Variants in VTA1 observed in about 807,000 individuals in gnomAD.
VTA1 encodes the protein vesicle trafficking 1.
Under a neutral mutation model 36.9 loss-of-function variants are expected in VTA1, and 24 were observed. That is an observed-to-expected ratio of 0.65 (90% confidence interval 0.47 to 0.91). The LOEUF (loss-of-function observed/expected upper bound fraction) is 0.91. Ranked by LOEUF, VTA1 falls within the 40% of genes least tolerant of loss-of-function variation. VTA1 has a pLI of 0.00. For synonymous variants in VTA1, 142 were observed against 130.2 expected, an observed-to-expected ratio of 1.09 and a Z score of -0.62; for missense variants, 393 against 377.2, an observed-to-expected ratio of 1.04 and a Z score of -0.35.
At chr6:142,183,933 T>C (rs1313908895) in intron 4 of VTA1, among the ~76,000 whole-genome samples, 3 of 152,142 alleles carry the variant, frequency 2.0e-5, no homozygotes, top group Non-Finnish European at 4.4e-5. Context: ...CTCAAATTGG[T>C]TTAAACTTCT....
intron 1 of VTA1, among the ~76,000 whole-genome samples, chr6:142,153,233 C>G (rs891314653): frequency 6.6e-6 from 1 of 151,942 alleles, no homozygotes; most frequent in Non-Finnish European, 1.5e-5. Flanking sequence ...AGAAGTATGT[C>G]GTGTGATGAT....
intron 7 of VTA1, among the ~76,000 whole-genome samples, chr6:142,217,338 T>G (rs894613808): frequency 3.9e-5 from 6 of 152,144 alleles, no homozygotes; most frequent in African/African-American, 1.4e-4. Context: ...AAAATACAGC[T>G]TTTTCATATT....
intron 4 of VTA1, among the ~76,000 whole-genome samples, chr6:142,187,874 A>G (rs1265813568): frequency 6.6e-6 from 1 of 150,980 alleles, no homozygotes; most frequent in Non-Finnish European, 1.5e-5. Flanking sequence ...TGTACTTATC[A>G]GTGACTTCGT....
chr6:142,149,477 T>G (rs1339504135), intron 1 of VTA1, among the ~76,000 whole-genome samples: 2 of 152,216 alleles, frequency 1.3e-5, no homozygotes, highest in Admixed American at 1.3e-4. Context: ...AAATCTGCAA[T>G]TCTCTGAGTC....
At chr6:142,161,728 C>T (rs1339659472) in intron 1 of VTA1, among the ~76,000 whole-genome samples, 2 of 152,004 alleles carry the variant, frequency 1.3e-5, no homozygotes, top group African/African-American at 4.8e-5. Flanking sequence ...CATCGTATTG[C>T]TGCTGCTAGA....
intron 1 of VTA1, among the ~76,000 whole-genome samples, chr6:142,154,454 C>G (rs1191556058): frequency 6.6e-6 from 1 of 151,812 alleles, no homozygotes; most frequent in Non-Finnish European, 1.5e-5. Context: ...TTTGTGTGAC[C>G]CTAGTTTCCA....
chr6:142,169,902 A>G (rs1442162988), intron 3 of VTA1, among the ~76,000 whole-genome samples: 1 of 152,150 alleles, frequency 6.6e-6, no homozygotes, highest in East Asian at 1.9e-4. Context: ...TACTTAGTAA[A>G]TATGCTCTAC....
chr6:142,184,531 A>T (rs1237072267), intron 4 of VTA1, among the ~76,000 whole-genome samples: 1 of 122,900 alleles, frequency 8.1e-6, no homozygotes, highest in Non-Finnish European at 2.0e-5. Flanking sequence ...ACCTGACTTG[A>T]GTAAATAATA....
chr6:142,212,482 A>G (rs1027829607), intron 7 of VTA1, among the ~76,000 whole-genome samples: 1 of 152,188 alleles, frequency 6.6e-6, no homozygotes, highest in Non-Finnish European at 1.5e-5. Flanking sequence ...TAGAGGGGGT[A>G]GAAGATCAGC....
At position 142,222,301 on chromosome 6, in the gene VTA1, G is replaced by A. The variant is rs920907101; in HGVS notation, c.*3658G>A. On this transcript the variant is annotated 3_prime_UTR_variant, in exon 8 of 8. Coordinates refer to ENST00000367630, the MANE Select transcript of VTA1 (RefSeq NM_016485.5). ...AAACTGATAACGGTGTTTTGTCAATGCGGCAGAGGGAGAAGAAGAAATAAG... is the reference window on the plus strand; with the variant it reads ...AAACTGATAACGGTGTTTTGTCAATACGGCAGAGGGAGAAGAAGAAATAAG... The A allele has an allele frequency of 2.0e-5, 3 of 152,170 alleles. No homozygotes were observed. Among genetic ancestry groups the A allele is most frequent in the African/African-American group, 7.2e-5 (3 of 41,430 alleles). The allele number at this position is 152,170 out of a possible 1,614,324, so 9.4% of individuals were successfully genotyped here. A position where few individuals can be genotyped will look rare whatever the true frequency, so the allele number is the denominator to read the frequency against.
Position 142,170,439 on chromosome 6 carries a change from ATTGTC to A in VTA1, c.411+21_411+25del. The stretch of plus-strand genomic sequence containing the variant: ...CTGATGAAGTGAGTGTACATTCTTT[ATTGTC>A]TTATTAGCTGAAGATCAGTAATGTT... On this transcript the variant is annotated intron_variant, in intron 4 of 7. Transcript: ENST00000367630. 2 of 1,513,652 alleles carry A rather than the reference ATTGTC, an allele frequency of 1.3e-6. No individual in the cohort carries two copies. Among genetic ancestry groups the A allele is most frequent in the Non-Finnish European group, 1.8e-6 (2 of 1,106,740 alleles). 93.8% of individuals were successfully genotyped at this position (1,513,652 alleles called of 1,614,324 possible).
chr6:142,216,334 T>C (rs1340659285), intron 7 of VTA1, among the ~76,000 whole-genome samples: 1 of 152,172 alleles, frequency 6.6e-6, no homozygotes, highest in Non-Finnish European at 1.5e-5. Context: ...TTTAAGAATT[T>C]AATTCATATT....
At chr6:142,198,725 C>G in intron 6 of VTA1, 110 bp downstream of exon 6, 1 of 1,025,896 alleles carries the variant, frequency 9.7e-7, no homozygotes, top group Non-Finnish European at 1.4e-6. Context: ...ATGACAAGTT[C>G]CTTGAATTCC....
chr6:142,196,663 T>C (rs1775557592), intron 5 of VTA1, among the ~76,000 whole-genome samples: 1 of 152,186 alleles, frequency 6.6e-6, no homozygotes, highest in Non-Finnish European at 1.5e-5. Flanking sequence ...AAATTTATTG[T>C]AGCTGCTTTA....
In VTA1 at chr6:142,158,900, A is replaced by G. The variant is rs1778717398; in HGVS notation, c.113-7328A>G. Reference sequence around the variant, plus strand: ...GATCTTTACTGTCTTTTCCCCTCTCATATCCTTTGCCTATAGTTGTCATAC... The same window carrying G: ...GATCTTTACTGTCTTTTCCCCTCTCGTATCCTTTGCCTATAGTTGTCATAC... On this transcript the variant is annotated intron_variant, in intron 1 of 7. Coordinates refer to ENST00000367630, the MANE Select transcript of VTA1 (RefSeq NM_016485.5). Among the ~76,000 whole-genome samples, 6 of 152,184 alleles carry G rather than the reference A, an allele frequency of 3.9e-5. No homozygotes were observed. In the South Asian group the frequency reaches 1.2e-3, roughly 32 times the overall value.
At chr6:142,183,948 A>G (rs1211272279) in intron 4 of VTA1, among the ~76,000 whole-genome samples, 1 of 152,078 alleles carries the variant, frequency 6.6e-6, no homozygotes, top group Non-Finnish European at 1.5e-5. Context: ...ACTTCTCTAC[A>G]CTGCTCATGC....
In VTA1 at chr6:142,206,507, A is replaced by G. The variant is rs139225454; in HGVS notation, c.778+2442A>G. Among the ~76,000 whole-genome samples, 8 of 152,334 alleles carry G rather than the reference A, an allele frequency of 5.3e-5. No individual in the cohort carries two copies. In the East Asian group the frequency reaches 5.8e-4, roughly 11 times the overall value. On this transcript the variant is annotated intron_variant, in intron 7 of 7. Coordinates refer to ENST00000367630, the MANE Select transcript of VTA1 (RefSeq NM_016485.5). ...TGCATAAGAAGACTGTATTCTCAAG[A>G]TGTTAGTTCTTCCCAGCTTGGTCTA...
At chr6:142,210,238 C>A (rs1582905213) in intron 7 of VTA1, among the ~76,000 whole-genome samples, 1 of 152,112 alleles carries the variant, frequency 6.6e-6, no homozygotes, top group Admixed American at 6.5e-5. Context: ...AAGTAAACCC[C>A]CATCTCTCAT....
intron 5 of VTA1, among the ~76,000 whole-genome samples, chr6:142,195,595 C>CTTTTTTTTTTT (rs72442499): frequency 5.7e-5 from 4 of 70,708 alleles, no homozygotes; most frequent in Non-Finnish European, 8.5e-5. Flanking sequence ...GTTTAATTTG[C>CTTTTTTTTTTT]TTTTTTTTTT....
Sources: gnomAD v4.1 joint callset for allele counts (sites outside exome capture counted in the v4.1 genomes callset) on GRCh38, gnomAD v4.1.1 for gene constraint, MANE v1.5 for transcripts, NCBI Gene and HGNC (gene_info 2026-07-23, HGNC 2026-07-21) for gene names.